Variants in NTRK2 observed in about 807,000 individuals in gnomAD.
NTRK2 encodes the protein neurotrophic receptor tyrosine kinase 2, also known as BDNF/NT-3 growth factors receptor.
NTRK2 carries 13 observed loss-of-function variants against 94.5 expected under a neutral mutation model. That is an observed-to-expected ratio of 0.14 (90% CI 0.09 to 0.22). The LOEUF (loss-of-function observed/expected upper bound fraction) is 0.22, where lower values mean the gene tolerates loss of function less well. Among genes scored for constraint, NTRK2 ranks in the 10% least tolerant of loss-of-function variants. The pLI is 1.00. For synonymous variants in NTRK2, 372 were observed against 407.4 expected, an observed-to-expected ratio of 0.91 and a Z score of 1.05; for missense variants, 639 against 1,071.2, an observed-to-expected ratio of 0.60 and a Z score of 5.63.
chr9:84,794,643 C>T (rs990285810), intron 12 of NTRK2, among the ~76,000 whole-genome samples: 1 of 152,132 alleles, frequency 6.6e-6, no homozygotes, highest in Non-Finnish European at 1.5e-5. Context: ...ATGTTAGTTA[C>T]TCTCCCTTTT....
intron 12 of NTRK2, among the ~76,000 whole-genome samples, chr9:84,832,304 T>A (rs2073601787): frequency 6.6e-6 from 1 of 152,220 alleles, no homozygotes; most frequent in Admixed American, 6.5e-5. Flanking sequence ...ATATGAGACA[T>A]ACCTTCAAAG....
At chr9:84,774,859 A>G (rs2066880989) in intron 12 of NTRK2, among the ~76,000 whole-genome samples, 2 of 152,160 alleles carry the variant, frequency 1.3e-5, no homozygotes, top group African/African-American at 4.8e-5. Flanking sequence ...CCCAGTTGTA[A>G]TTTTGGTAGA....
At chr9:84,843,093 C>T (rs1408444428) in intron 12 of NTRK2, among the ~76,000 whole-genome samples, 1 of 152,186 alleles carries the variant, frequency 6.6e-6, no homozygotes, top group African/African-American at 2.4e-5. Context: ...ATAGCATCTA[C>T]TGGATGGTAT....
chr9:84,949,338 GA>G (rs2132899382), intron 16 of NTRK2, among the ~76,000 whole-genome samples: 1 of 152,326 alleles, frequency 6.6e-6, no homozygotes, highest in African/African-American at 2.4e-5. Flanking sequence ...GGGGTCTTCA[GA>G]AAAAGGCAAG....
intron 12 of NTRK2, among the ~76,000 whole-genome samples, chr9:84,783,700 TATGTCCCAAG>T (rs2067839547): frequency 6.6e-6 from 1 of 152,106 alleles, no homozygotes; most frequent in Non-Finnish European, 1.5e-5. Context: ...GTAGAAATTT[TATGTCCCAAG>T]ATGTGAAAGT....
intron 17 of NTRK2, among the ~76,000 whole-genome samples, chr9:85,010,498 A>G (rs1831444524): frequency 6.6e-6 from 1 of 152,202 alleles, no homozygotes; most frequent in African/African-American, 2.4e-5. Context: ...AAAGAAATGT[A>G]TAGCTTTGGA....
At chr9:84,931,658 T>C (rs552863469) in intron 14 of NTRK2, among the ~76,000 whole-genome samples, 22 of 147,206 alleles carry the variant, frequency 1.5e-4, no homozygotes, top group African/African-American at 5.3e-4. Flanking sequence ...AAACTTATTT[T>C]CCACCAAATT....
At chr9:84,848,108 AG>A (rs1397343461) in intron 12 of NTRK2, among the ~76,000 whole-genome samples, 10 of 144,868 alleles carry the variant, frequency 6.9e-5, no homozygotes, top group African/African-American at 2.7e-4. Context: ...AGAGAGAGAG[AG>A]AGCTCAAGCA....
At position 84,670,774 on chromosome 9, in the gene NTRK2, G is replaced by C; in HGVS notation, c.26G>C (p.Gly9Ala). MSSWIRWH[G>A]PAMARLWGFC... ...ATGTCGTCCTGGATAAGGTGGCATG[G>C]ACCCGCCATGGCGCGGCTCTGGGGC... Residue 9 changes from glycine to alanine, a missense_variant, in exon 2 of 19, where the codon GGA becomes GCA. Transcript: ENST00000277120. 6.2e-7 allele frequency: 1 copy of C among 1,613,684 alleles called. No individual in the cohort carries two copies. Among genetic ancestry groups the C allele is most frequent in the Non-Finnish European group, 8.5e-7 (1 of 1,180,036 alleles).
At chr9:85,004,039 A>AAGAAAGAAAGAAAGAAAAAGAG (rs1339819904) in intron 17 of NTRK2, among the ~76,000 whole-genome samples, 1 of 40,988 alleles carries the variant, frequency 2.4e-5, no homozygotes, top group Admixed American at 3.1e-4. Flanking sequence ...GAAAGAGAGA[A>AAGAAAGAAAGAAAGAAAAAGAG]AGAAAGGGAG....
intron 14 of NTRK2, among the ~76,000 whole-genome samples, chr9:84,908,406 G>C (rs2077139273): frequency 6.7e-6 from 1 of 149,590 alleles, no homozygotes; most frequent in African/African-American, 2.6e-5. Flanking sequence ...TTTGTAATCA[G>C]ACACAAAGAA....
At chr9:84,734,105 T>C (rs1224804599) in intron 9 of NTRK2, among the ~76,000 whole-genome samples, 1 of 152,038 alleles carries the variant, frequency 6.6e-6, no homozygotes, top group Non-Finnish European at 1.5e-5. Flanking sequence ...CACCTTGGAG[T>C]GTGAAGCGTG....
chr9:84,903,820 C>G lies in NTRK2; in HGVS notation c.1634-30342C>G, dbSNP rs905324041. 2.6e-5 allele frequency among the ~76,000 whole-genome samples: 4 copies of G among 151,992 alleles called. No homozygotes were observed. In the East Asian group the frequency reaches 7.7e-4, roughly 29 times the overall value. ...ACTCTTTTACTGTAATAGGGAAATG[C>G]TTCATCAGTGAACCTGTAGAAATCC... On this transcript the variant is annotated intron_variant, in intron 14 of 18. Transcript: ENST00000277120.
chr9:84,870,126 T>TATATATATATATAC (rs774255186), intron 14 of NTRK2, among the ~76,000 whole-genome samples: 1 of 95,654 alleles, frequency 1.0e-5, no homozygotes, highest in Non-Finnish European at 2.1e-5. Context: ...TATATATATA[T>TATATATATATATAC]ACACACACAC....
chr9:84,837,230 A>C (rs1203389536), intron 12 of NTRK2, among the ~76,000 whole-genome samples: 1 of 152,066 alleles, frequency 6.6e-6, no homozygotes, highest in Non-Finnish European at 1.5e-5. Flanking sequence ...AGAGATGAGG[A>C]AACTGTTTCT....
chr9:84,764,458 G>A (rs1177034467), intron 12 of NTRK2, among the ~76,000 whole-genome samples: 1 of 152,070 alleles, frequency 6.6e-6, no homozygotes, highest in Non-Finnish European at 1.5e-5. Context: ...TTTCATTATA[G>A]TTCTGTCTTG....
intron 2 of NTRK2, 42 bp from the exon 3 acceptor site, chr9:84,702,117 T>C (rs2060768285): frequency 1.3e-6 from 2 of 1,578,650 alleles, no homozygotes; most frequent in Admixed American, 3.3e-5. Flanking sequence ...TGCTGCTGCC[T>C]ACATTCTGAG....
chr9:84,756,271 A>T (rs1393716107), intron 12 of NTRK2, among the ~76,000 whole-genome samples: 1 of 152,200 alleles, frequency 6.6e-6, no homozygotes, highest in Non-Finnish European at 1.5e-5. Flanking sequence ...ATGCCTTTGA[A>T]TGCTCTCCTT....
At position 84,785,027 on chromosome 9, in the gene NTRK2, G is replaced by T. The variant is rs146891688; in HGVS notation, c.1396+32942G>T. ...TAGAATTCATTTTCTCTAGGAGGTT[G>T]GGAACTACAGAGAGAAACCAGAGAG... On this transcript the variant is annotated intron_variant, in intron 12 of 18. Transcript: ENST00000277120. Among the ~76,000 whole-genome samples, 652 of 152,174 alleles carry T rather than the reference G, an allele frequency of 4.3e-3. 10 individuals carry two copies. Among genetic ancestry groups the T allele is most frequent in the African/African-American group, 0.015 (623 of 41,516 alleles).
Sources: allele counts gnomAD v4.1 joint callset (sites outside exome capture counted in the v4.1 genomes callset), GRCh38; gene constraint gnomAD v4.1.1; transcripts MANE v1.5; gene names NCBI Gene and HGNC (gene_info 2026-07-23, HGNC 2026-07-21).